Variants in CDH13 observed in about 807,000 individuals in gnomAD.
The protein encoded by CDH13 is cadherin-13.
Under a neutral mutation model 63.8 loss-of-function variants are expected in CDH13, and 24 were observed. The ratio of observed to expected loss-of-function variants is 0.38; its 90% CI spans 0.27 to 0.53. The LOEUF is 0.53. Ranked by LOEUF, CDH13 falls within the 20% of genes least tolerant of loss-of-function variation. The pLI is 0.85. For missense variants in CDH13, 1,049 were observed against 903.1 expected (o/e 1.16, Z -2.07); for synonymous variants, 503 against 355.3 (o/e 1.42, Z -4.67).
intron 7 of CDH13, among the ~76,000 whole-genome samples, chr16:83,525,181 C>G (rs923920708): frequency 1.3e-5 from 2 of 152,118 alleles, no homozygotes; most frequent in African/African-American, 4.8e-5. Context: ...ATCCTTTGAA[C>G]CAACCACGGG....
intron 2 of CDH13, among the ~76,000 whole-genome samples, chr16:82,899,595 G>T (rs2041390022): frequency 6.6e-6 from 1 of 152,064 alleles, no homozygotes; most frequent in Admixed American, 6.6e-5. Context: ...GCACGTGTAG[G>T]TGCCTGTGTG....
At chr16:82,977,103 T>A (rs1413728874) in intron 2 of CDH13, among the ~76,000 whole-genome samples, 1 of 152,236 alleles carries the variant, frequency 6.6e-6, no homozygotes, top group Non-Finnish European at 1.5e-5. Flanking sequence ...CTTTACAAAT[T>A]TATGCTAAAG....
At chr16:82,980,385 G>C (rs1248624233) in intron 2 of CDH13, among the ~76,000 whole-genome samples, 1 of 152,340 alleles carries the variant, frequency 6.6e-6, no homozygotes, top group Non-Finnish European at 1.5e-5. Context: ...AGGTGGTGAA[G>C]GGAGGAGCTG....
intron 7 of CDH13, among the ~76,000 whole-genome samples, chr16:83,498,542 G>T (rs1457928934): frequency 6.6e-6 from 1 of 152,154 alleles, no homozygotes; most frequent in African/African-American, 2.4e-5. Flanking sequence ...CCATGTGTCA[G>T]TCCCTAGAAA....
At chr16:83,393,633 A>G (rs1268267751) in intron 6 of CDH13, among the ~76,000 whole-genome samples, 4 of 152,194 alleles carry the variant, frequency 2.6e-5, no homozygotes, top group African/African-American at 9.7e-5. Context: ...GAATGAATGA[A>G]TTTAATCGAA....
At chr16:83,106,401 C>T (rs1452493196) in intron 3 of CDH13, among the ~76,000 whole-genome samples, 2 of 152,052 alleles carry the variant, frequency 1.3e-5, no homozygotes, top group African/African-American at 4.8e-5. Flanking sequence ...ATTAGCTGGG[C>T]ATGGTGGCAT....
intron 2 of CDH13, among the ~76,000 whole-genome samples, chr16:83,014,776 G>GTA (rs1158483617): frequency 0.13 from 4,798 of 37,004 alleles, 549 homozygotes; most frequent in Non-Finnish European, 0.16. Flanking sequence ...ATATATATAT[G>GTA]TATATATATA....
chr16:83,191,094 A>T (rs561208407), intron 4 of CDH13, among the ~76,000 whole-genome samples: 1 of 151,110 alleles, frequency 6.6e-6, no homozygotes, highest in Non-Finnish European at 1.5e-5. Flanking sequence ...TATTACTTGG[A>T]TAGTTTCTTA....
chr16:82,829,683 G>A (rs1439503856), intron 1 of CDH13: 1 of 152,022 alleles, frequency 6.6e-6, no homozygotes, highest in Non-Finnish European at 1.5e-5. Flanking sequence ...TATGTGAAAG[G>A]ATTTGGCTTT....
intron 7 of CDH13, among the ~76,000 whole-genome samples, chr16:83,586,698 T>C (rs1040577113): frequency 6.6e-6 from 1 of 152,158 alleles, no homozygotes; most frequent in South Asian, 2.1e-4. Context: ...GGCAGTCTAT[T>C]AGGCATCTTG....
intron 3 of CDH13, among the ~76,000 whole-genome samples, chr16:83,040,758 T>C (rs1470860547): frequency 6.6e-6 from 1 of 152,216 alleles, no homozygotes; most frequent in Admixed American, 6.5e-5. Flanking sequence ...TGACAATCAA[T>C]ATTAGCCATC....
intron 3 of CDH13, among the ~76,000 whole-genome samples, chr16:83,070,855 GC>G (rs34273611): frequency 0.39 from 47,962 of 121,542 alleles, 9,139 homozygotes; most frequent in East Asian, 0.56. Flanking sequence ...GTAATAAACA[GC>G]CCCCCCCCCC....
At chr16:82,989,484 C>T (rs1567722603) in intron 2 of CDH13, among the ~76,000 whole-genome samples, 1 of 152,156 alleles carries the variant, frequency 6.6e-6, no homozygotes, top group Non-Finnish European at 1.5e-5. Context: ...CTGGGTAAGG[C>T]AGTGGCAAGG....
At chr16:83,101,730 G>T (rs1318435144) in intron 3 of CDH13, among the ~76,000 whole-genome samples, 1 of 152,196 alleles carries the variant, frequency 6.6e-6, no homozygotes, top group Non-Finnish European at 1.5e-5. Flanking sequence ...GGAGGCAGAG[G>T]TTGCAGTAAG....
chr16:83,697,946 C>T (rs1416131012), intron 10 of CDH13, among the ~76,000 whole-genome samples: 22 of 152,216 alleles, frequency 1.4e-4, no homozygotes, highest in Admixed American at 1.4e-3. Flanking sequence ...CTGCACCCAG[C>T]CTACAGTAGT....
intron 4 of CDH13, among the ~76,000 whole-genome samples, chr16:83,162,251 A>G (rs970810212): frequency 1.8e-4 from 28 of 151,952 alleles, no homozygotes; most frequent in African/African-American, 6.0e-4. Context: ...TTTCATCACC[A>G]TTGTCCTCAT....
At chr16:82,634,116 C>G (rs898037210) in intron 1 of CDH13, among the ~76,000 whole-genome samples, 3 of 152,198 alleles carry the variant, frequency 2.0e-5, no homozygotes, top group African/African-American at 7.2e-5. Context: ...GAACGCAGCC[C>G]GGGCTGGGGC....
At position 83,184,089 on chromosome 16, in the gene CDH13, AACACACAC is replaced by A. The variant is rs10656475; in HGVS notation, c.484-33226_484-33219del. Among the ~76,000 whole-genome samples, 235 of 131,616 alleles carry A rather than the reference AACACACAC, an allele frequency of 1.8e-3. 1 individual carries two copies. The highest frequency in any genetic ancestry group is 5.4e-3 in the African/African-American group (188 of 35,060). 86.3% of individuals were successfully genotyped at this position (131,616 alleles called of 152,430 possible). A position where few individuals can be genotyped will look rare whatever the true frequency, so the allele number is the denominator to read the frequency against. On this transcript the variant is annotated intron_variant, in intron 4 of 13. Transcript: ENST00000567109. ...GCCATCTCATAGCCTCTAGAGGTTA[AACACACAC>A]ACACACACACACACACACACACACA...
At chr16:82,710,553 ATAT>A (rs1309900936) in intron 1 of CDH13, among the ~76,000 whole-genome samples, 902 of 46,732 alleles carry the variant, frequency 0.019, 19 homozygotes, top group African/African-American at 0.06. Context: ...AAAAAAAAAA[ATAT>A]ATATATATAT....
Sources: allele counts gnomAD v4.1 joint callset (sites outside exome capture counted in the v4.1 genomes callset), GRCh38; gene constraint gnomAD v4.1.1; transcripts MANE v1.5; gene names NCBI Gene and HGNC (gene_info 2026-07-23, HGNC 2026-07-21).